TMEM132C: variants seen among roughly 807,000 people sequenced by gnomAD.
TMEM132C encodes the protein protein phosphatase 1, regulatory subunit 152.
In TMEM132C, 29 loss-of-function variants were observed where a neutral mutation model predicts 61.4. The observed-to-expected ratio is 0.47, with a 90% CI of 0.35 to 0.64. The LOEUF is 0.64. Ranked by LOEUF, TMEM132C falls within the 30% of genes least tolerant of loss-of-function variation. The probability of loss-of-function intolerance (pLI) is 0.00; values close to 1 mark genes in which losing one functional copy is unlikely to be tolerated. For missense variants in TMEM132C, 1,408 were observed against 1,476.9 expected (o/e 0.95, Z 0.76); for synonymous variants, 656 against 633.1 (o/e 1.04, Z -0.54).
intron 1 of TMEM132C, among the ~76,000 whole-genome samples, chr12:128,271,274 A>G (rs1870508380): frequency 1.0e-4 from 3 of 30,122 alleles, no homozygotes; most frequent in Non-Finnish European, 1.8e-4. Flanking sequence ...TAATATAATA[A>G]TAATAATAAT....
chr12:128,299,914 G>C (rs1179075648), intron 1 of TMEM132C, among the ~76,000 whole-genome samples: 1 of 152,242 alleles, frequency 6.6e-6, no homozygotes, highest in Non-Finnish European at 1.5e-5. Context: ...ACACCAGGAA[G>C]AGACCAGGAG....
chr12:128,588,633 A>G (rs185266318), intron 3 of TMEM132C, among the ~76,000 whole-genome samples: 5 of 152,192 alleles, frequency 3.3e-5, no homozygotes, highest in Non-Finnish European at 7.4e-5. Flanking sequence ...GTAACTCTCA[A>G]TGTGGTGGTA....
In TMEM132C at chr12:128,385,410, C is replaced by G. The variant is rs140172922; in HGVS notation, c.86-29322C>G. Among the ~76,000 whole-genome samples the G allele has an allele frequency of 3.8e-3, 550 of 143,368 alleles. 17 individuals carry two copies. Among genetic ancestry groups the G allele is most frequent in the African/African-American group, 0.014 (524 of 36,402 alleles). The allele number at this position is 143,368 out of a possible 152,430, so 94.1% of individuals were successfully genotyped here. ...ATTCGAGACATAAACGCCGAGTCCT[C>G]GCACAGAGCCTGATAGGATCATTGC... On this transcript the variant is annotated intron_variant, in intron 1 of 8. Coordinates refer to ENST00000435159, the MANE Select transcript of TMEM132C (RefSeq NM_001136103.3).
Position 128,616,311 on chromosome 12 carries a change from G to C in TMEM132C, c.1281G>C (p.Leu427=). 5 of 1,551,920 alleles carry C rather than the reference G, an allele frequency of 3.2e-6. No individual in the cohort carries two copies. Among genetic ancestry groups the C allele is most frequent in the Non-Finnish European group, 4.4e-6 (5 of 1,147,004 alleles). Residue 427 remains leucine (L), a synonymous_variant, in exon 4 of 9, where the codon CTG becomes CTC. Transcript: ENST00000435159. ...AGATCTTTGTCAGCCAGAAGGACCT[G>C]GTGGGCATCGTTCCCTTGGCTATGG... The part of the protein sequence containing the change: ...VSEIFVSQKD[L]VGIVPLAMDT...
chr12:128,347,927 T>A lies in TMEM132C; in HGVS notation c.86-66805T>A, dbSNP rs540783517. On this transcript the variant is annotated intron_variant, in intron 1 of 8. Transcript: ENST00000435159. Reference sequence around the variant, plus strand: ...TCAAGACTGTTTTGGCTATTCTTGGTCTCTTGCAATTCCATGTGAGTTATA... The same window carrying A: ...TCAAGACTGTTTTGGCTATTCTTGGACTCTTGCAATTCCATGTGAGTTATA... 4.2e-3 allele frequency among the ~76,000 whole-genome samples: 647 copies of A among 152,364 alleles called. 3 individuals carry two copies. The highest frequency in any genetic ancestry group is 0.015 in the African/African-American group (626 of 41,598).
chr12:128,268,934 A>T (rs1870415423), intron 1 of TMEM132C, among the ~76,000 whole-genome samples: 1 of 90,738 alleles, frequency 1.1e-5, no homozygotes, highest in African/African-American at 5.5e-5. Context: ...GGGTGGGGCG[A>T]GAGAGGGGGG....
At chr12:128,573,450 C>T (rs1487025482) in intron 3 of TMEM132C, among the ~76,000 whole-genome samples, 1 of 141,862 alleles carries the variant, frequency 7.0e-6, no homozygotes, top group Non-Finnish European at 1.5e-5. Flanking sequence ...CGGGGCCTGT[C>T]GTGGGGTGGG....
At chr12:128,464,370 T>C (rs1286019047) in intron 2 of TMEM132C, among the ~76,000 whole-genome samples, 1 of 152,174 alleles carries the variant, frequency 6.6e-6, no homozygotes, top group African/African-American at 2.4e-5. Context: ...ATATTCAGCA[T>C]GAGCCAGGTC....
intron 1 of TMEM132C, among the ~76,000 whole-genome samples, chr12:128,274,322 T>G (rs1870615899): frequency 7.1e-6 from 1 of 140,206 alleles, no homozygotes; most frequent in Non-Finnish European, 1.6e-5. Flanking sequence ...CTTTTCTATG[T>G]ATAACATTTT....
At chr12:128,514,816 TGTA>T (rs1266861829) in intron 2 of TMEM132C, among the ~76,000 whole-genome samples, 2 of 151,960 alleles carry the variant, frequency 1.3e-5, no homozygotes, top group East Asian at 3.9e-4. Context: ...AAACTGGAGG[TGTA>T]GTAGTGAACA....
At chr12:128,331,549 A>AGG (rs1872666387) in intron 1 of TMEM132C, among the ~76,000 whole-genome samples, 1 of 152,214 alleles carries the variant, frequency 6.6e-6, no homozygotes, top group South Asian at 2.1e-4. Context: ...TGTTTCACTT[A>AGG]GGATAATGTC....
chr12:128,305,905 C>T (rs1292786899), intron 1 of TMEM132C, among the ~76,000 whole-genome samples: 5 of 152,122 alleles, frequency 3.3e-5, no homozygotes, highest in Admixed American at 2.0e-4. Flanking sequence ...GTGATATTTA[C>T]AATTACAAAT....
chr12:128,558,975 A>C (rs2136161850), intron 3 of TMEM132C, among the ~76,000 whole-genome samples: 1 of 152,348 alleles, frequency 6.6e-6, no homozygotes, highest in Non-Finnish European at 1.5e-5. Context: ...AAACTCAAAA[A>C]GTATACAGAC....
chr12:128,705,411 G>A lies in TMEM132C; in HGVS notation c.2443G>A (p.Asp815Asn). Residue 815 changes from aspartate to asparagine, a missense_variant, in exon 9 of 9, where the codon GAT (aspartate) becomes AAT (asparagine). Asp to Asn is a conservative substitution (Grantham distance 23). Coordinates refer to ENST00000435159, the MANE Select transcript of TMEM132C (RefSeq NM_001136103.3). ...CAGCCCCGGCGGGGACTATGAGGAA[G>A]ATGAGATCAAGAACCACGCCAGCGA... Reference protein sequence around the residue: ...DSSPGGDYEEDEIKNHASDRR... With the variant: ...DSSPGGDYEENEIKNHASDRR... 4.5e-6 allele frequency: 7 copies of A among 1,551,100 alleles called. No homozygotes were observed. The South Asian group carries it at 4.8e-5, about 11-fold the overall frequency.
intron 1 of TMEM132C, among the ~76,000 whole-genome samples, chr12:128,309,665 G>C (rs531539161): frequency 6.6e-6 from 1 of 151,842 alleles, no homozygotes; most frequent in African/African-American, 2.4e-5. Flanking sequence ...TCTCTCACTC[G>C]GCATCACTTC....
chr12:128,589,207 A>G, intron 3 of TMEM132C, among the ~76,000 whole-genome samples: 1 of 152,284 alleles, frequency 6.6e-6, no homozygotes, highest in Non-Finnish European at 1.5e-5. Context: ...ACACGAAGGC[A>G]AGGCGCACAA....
intron 4 of TMEM132C, among the ~76,000 whole-genome samples, chr12:128,642,657 G>T (rs1051760118): frequency 2.6e-5 from 4 of 152,158 alleles, no homozygotes; most frequent in African/African-American, 9.7e-5. Flanking sequence ...AGCTTTCTGA[G>T]GCTTCCCCAG....
In TMEM132C at chr12:128,415,202, C is replaced by T. The variant is rs557263376; in HGVS notation, c.556C>T (p.Arg186Trp). 3.8e-5 allele frequency: 62 copies of T among 1,610,650 alleles called. No individual in the cohort carries two copies. Among genetic ancestry groups the T allele is most frequent in the South Asian group, 1.1e-4 (10 of 90,464 alleles). Residue 186 changes from arginine to tryptophan, a missense_variant, in exon 2 of 9, where the codon CGG becomes TGG. Arg to Trp is a moderately radical substitution (Grantham distance 101). Transcript: ENST00000435159. The surrounding 1 kb of genome is among the most constrained non-coding windows in gnomAD (Gnocchi z 5.8). ...RETREVRGSC[R>W]LKGDLGLCVA... is the part of the protein sequence containing the mutation. ...AACCAGAGAGGTGCGGGGCAGCTGCCGGCTGAAGGGGGACCTGGGGCTGTG... is the reference window on the plus strand; with the variant it reads ...AACCAGAGAGGTGCGGGGCAGCTGCTGGCTGAAGGGGGACCTGGGGCTGTG...
intron 2 of TMEM132C, among the ~76,000 whole-genome samples, chr12:128,443,378 A>G (rs772609819): frequency 6.6e-6 from 1 of 152,158 alleles, no homozygotes; most frequent in East Asian, 1.9e-4. Flanking sequence ...AAAGAACTTA[A>G]CCATGAAACC....
Sources: gnomAD v4.1 joint callset for allele counts (sites outside exome capture counted in the v4.1 genomes callset) on GRCh38, gnomAD v4.1.1 for gene constraint, Gnocchi (gnomAD v3.1) non-coding constraint, MANE v1.5 for transcripts, NCBI Gene and HGNC (gene_info 2026-07-23, HGNC 2026-07-21) for gene names.